MRC2: variants seen among roughly 807,000 people sequenced by gnomAD.
MRC2 encodes mannose receptor C-type 2.
MRC2 carries 84 observed loss-of-function variants against 206.2 expected under a neutral mutation model. That is an observed-to-expected ratio of 0.41 (90% CI 0.34 to 0.49). The LOEUF (loss-of-function observed/expected upper bound fraction) is 0.49. Ranked by LOEUF, MRC2 falls within the 20% of genes least tolerant of loss-of-function variation. MRC2 has a pLI of 0.31. For synonymous variants in MRC2, 798 were observed against 800.0 expected (o/e 1.00, Z 0.04); for missense variants, 1,676 against 2,001.5 (o/e 0.84, Z 3.10).
chr17:62,674,893 AG>A (rs1275737376), intron 9 of MRC2, among the ~76,000 whole-genome samples: 1 of 152,112 alleles, frequency 6.6e-6, no homozygotes, highest in African/African-American at 2.4e-5. Context: ...CCTTGCAGCC[AG>A]GCTGGCTCCT....
intron 1 of MRC2, among the ~76,000 whole-genome samples, chr17:62,629,655 T>C (rs1387885911): frequency 6.6e-6 from 1 of 152,214 alleles, no homozygotes; most frequent in Non-Finnish European, 1.5e-5. Flanking sequence ...CGCTTGCCCC[T>C]GCCCTGCCAA....
Position 62,627,749 on chromosome 17 carries a change from G to A in MRC2, c.-54G>A. On this transcript the variant is annotated 5_prime_UTR_variant, in exon 1 of 30. Transcript: ENST00000303375. The stretch of plus-strand genomic sequence containing the variant: ...AGCCCAGCCTCGGGGCTGCCACAGC[G>A]CGTTGCGCCTGTGCGCCCTCGGTCC... The A allele has an allele frequency of 7.7e-7, 1 of 1,299,992 alleles. No homozygotes were observed. Among genetic ancestry groups the A allele is most frequent in the Non-Finnish European group, 9.9e-7 (1 of 1,011,230 alleles). The allele number at this position is 1,299,992 out of a possible 1,614,324, so 80.5% of individuals were successfully genotyped here.
rs1478744539 is a variant in MRC2 at position 62,680,747 on chromosome 17, T to C, written c.2474-53T>C. The stretch of plus-strand genomic sequence containing the variant: ...CCCTGCCGCGCCCGCCTCCGGGGCC[T>C]GGCGTGCAGCCTCTGCCTGGCCGCC... On this transcript the variant is annotated intron_variant, in intron 16 of 29. Transcript: ENST00000303375. This position sits in a 1 kb window ranked among gnomAD's most constrained non-coding sequence, Gnocchi z 4.8. The C allele has an allele frequency of 2.1e-6, 3 of 1,454,876 alleles. No individual in the cohort carries two copies. The highest frequency in any genetic ancestry group is 2.7e-6 in the Non-Finnish European group (3 of 1,108,436). The allele number at this position is 1,454,876 out of a possible 1,614,324, so 90.1% of individuals were successfully genotyped here.
chr17:62,686,761 G>C (rs1416522421), intron 20 of MRC2, among the ~76,000 whole-genome samples: 1 of 152,152 alleles, frequency 6.6e-6, no homozygotes, highest in Non-Finnish European at 1.5e-5. Flanking sequence ...TGACCTTGCT[G>C]CTTCCAAGTT....
At chr17:62,673,553 G>C (rs576137881) in intron 8 of MRC2, among the ~76,000 whole-genome samples, 1 of 146,852 alleles carries the variant, frequency 6.8e-6, no homozygotes, top group East Asian at 2.0e-4. Flanking sequence ...CTGTCGCCCA[G>C]GCTGGAGTGC....
rs2088574936 is a variant in MRC2 at position 62,652,948 on chromosome 17, T to C, written c.119-11600T>C. 6.6e-6 allele frequency among the ~76,000 whole-genome samples: 1 copy of C among 151,582 alleles called. No individual in the cohort carries two copies. The highest frequency in any genetic ancestry group is 2.4e-5 in the African/African-American group (1 of 41,190). On this transcript the variant is annotated intron_variant, in intron 1 of 29. Coordinates refer to ENST00000303375, the MANE Select transcript of MRC2 (RefSeq NM_006039.5). This position sits in a 1 kb window ranked among gnomAD's most constrained non-coding sequence, Gnocchi z 4.6. ...CCTTGGGAGCAGAAGCAGAGAAGAC[T>C]CGGAACTCCAAGAGCAGGTGGATCT...
In MRC2 at chr17:62,652,071, A is replaced by G. The variant is rs116051915; in HGVS notation, c.119-12477A>G. Among the ~76,000 whole-genome samples, 107 of 152,350 alleles carry G rather than the reference A, an allele frequency of 7.0e-4. No homozygotes were observed. The highest frequency in any genetic ancestry group is 2.3e-3 in the African/African-American group (97 of 41,588). ...TTTCTTCATTTCTGCTGACTCTTCA[A>G]TGAACCAGAGGGGCACGTGTAATAT... On this transcript the variant is annotated intron_variant, in intron 1 of 29. Coordinates refer to ENST00000303375, the MANE Select transcript of MRC2 (RefSeq NM_006039.5). This position sits in a 1 kb window ranked among gnomAD's most constrained non-coding sequence, Gnocchi z 4.6.
intron 1 of MRC2, among the ~76,000 whole-genome samples, chr17:62,628,122 G>T (rs2084184648): frequency 1.3e-5 from 2 of 152,058 alleles, no homozygotes; most frequent in African/African-American, 4.8e-5. Context: ...GCCTAGAGGT[G>T]GGGGAGGACC....
In MRC2 at chr17:62,671,539, T is replaced by G; in HGVS notation, c.1118-110T>G. 3.1e-6 allele frequency: 3 copies of G among 970,174 alleles called. No homozygotes were observed. Among genetic ancestry groups the G allele is most frequent in the Non-Finnish European group, 4.5e-6 (3 of 666,760 alleles). The allele number at this position is 970,174 out of a possible 1,614,324, so 60.1% of individuals were successfully genotyped here. A position where few individuals can be genotyped will look rare whatever the true frequency, so the allele number is the denominator to read the frequency against. ...GGGACCGGGATTGATCTGGGAGAGT[T>G]TGGAGAGGAGGTGACTGGGAGGCCT... On this transcript the variant is annotated intron_variant, in intron 6 of 29. Transcript: ENST00000303375. The surrounding 1 kb of genome is among the most constrained non-coding windows in gnomAD (Gnocchi z 4.5).
At position 62,632,788 on chromosome 17, in the gene MRC2, T is replaced by TA. The variant is rs368212193; in HGVS notation, c.118+4869dup. ...AGATTGGATGGGTGGCCTCTCTGTT[T>TA]ATCTCCTTCCCAGGGATCACCTCAG... is the stretch of plus-strand genomic sequence containing the variant. On this transcript the variant is annotated intron_variant, in intron 1 of 29. Coordinates refer to ENST00000303375, the MANE Select transcript of MRC2 (RefSeq NM_006039.5). Among the ~76,000 whole-genome samples, 661 of 152,286 alleles carry TA rather than the reference T, an allele frequency of 4.3e-3. 6 individuals carry two copies. The highest frequency in any genetic ancestry group is 0.015 in the African/African-American group (640 of 41,550).
At position 62,682,287 on chromosome 17, in the gene MRC2, C is replaced by A; in HGVS notation, c.2856C>A (p.Arg952=). 1 of 1,604,822 alleles carries A rather than the reference C, an allele frequency of 6.2e-7. No individual in the cohort carries two copies. The highest frequency in any genetic ancestry group is 8.5e-7 in the Non-Finnish European group (1 of 1,175,578). The stretch of plus-strand genomic sequence containing the variant: ...CAGCCTTGCCCTACATCTGCAAGCG[C>A]AGCAACGTCACCAAAGAAACGCAGC... ...CLTALPYICK[R]SNVTKETQPP... The change falls in exon 20 of 30, where the codon CGC becomes CGA. Residue 952 remains arginine (R), a synonymous_variant. Coordinates refer to ENST00000303375, the MANE Select transcript of MRC2 (RefSeq NM_006039.5).
At chr17:62,678,745 T>TGGCAGAATGTGGGTGAC in intron 13 of MRC2, 99 bp downstream of exon 13, 1 of 1,528,302 alleles carries the variant, frequency 6.5e-7, no homozygotes, top group Non-Finnish European at 8.8e-7. Flanking sequence ...AGCAGGGGGA[T>TGGCAGAATGTGGGTGAC]GGCAGAATGT....
intron 1 of MRC2, among the ~76,000 whole-genome samples, chr17:62,636,593 C>T (rs539340257): frequency 9.9e-5 from 15 of 151,496 alleles, no homozygotes; most frequent in Non-Finnish European, 1.8e-4. Context: ...CTCAGCCTCC[C>T]GAGTAGCTGG....
Position 62,688,042 on chromosome 17 carries a change from G to T in MRC2, c.2947-247G>T, listed in dbSNP as rs181137288. Among the ~76,000 whole-genome samples, 42 of 152,246 alleles carry T rather than the reference G, an allele frequency of 2.8e-4. No individual in the cohort carries two copies. The East Asian group carries it at 7.5e-3, about 27-fold the overall frequency. ...AGGCACTGTTGTCATAGCCTTTGAC[G>T]GCCCAAAGAAATCCTCCCATTTGAA... On this transcript the variant is annotated intron_variant, in intron 20 of 29. Coordinates refer to ENST00000303375, the MANE Select transcript of MRC2 (RefSeq NM_006039.5).
intron 1 of MRC2, among the ~76,000 whole-genome samples, chr17:62,646,096 C>G (rs569929134): frequency 6.7e-6 from 1 of 148,492 alleles, no homozygotes; most frequent in East Asian, 2.0e-4. Context: ...GCGATCTCGG[C>G]TCACTGCAAG....
At chr17:62,629,055 C>T (rs1215437947) in intron 1 of MRC2, among the ~76,000 whole-genome samples, 1 of 152,204 alleles carries the variant, frequency 6.6e-6, no homozygotes, top group Non-Finnish European at 1.5e-5. Context: ...CCACGGTGAC[C>T]CACATTCACA....
chr17:62,628,916 T>G (rs773807920), intron 1 of MRC2, among the ~76,000 whole-genome samples: 3 of 152,186 alleles, frequency 2.0e-5, no homozygotes, highest in Admixed American at 6.5e-5. Flanking sequence ...GTGCAGTGTC[T>G]GCAGTTTTGT....
At position 62,690,628 on chromosome 17, in the gene MRC2, T is replaced by G; in HGVS notation, c.3893-14T>G. On this transcript the variant is annotated splice_polypyrimidine_tract_variant and intron_variant, in intron 26 of 29. Transcript: ENST00000303375. ...AGACCCATCCGCCCTGACGTGGGCC[T>G]TCTTTGCATCCAGCGGGTGGGGCCG... 1.3e-6 allele frequency: 2 copies of G among 1,590,704 alleles called. No homozygotes were observed. Among genetic ancestry groups the G allele is most frequent in the Non-Finnish European group, 8.6e-7 (1 of 1,168,976 alleles).
intron 1 of MRC2, among the ~76,000 whole-genome samples, chr17:62,662,611 A>G (rs1003065722): frequency 4.6e-5 from 7 of 152,096 alleles, no homozygotes; most frequent in Non-Finnish European, 8.8e-5. Flanking sequence ...TGGCAGACCT[A>G]GAATCGAAGC....
Sources: allele counts gnomAD v4.1 joint callset (sites outside exome capture counted in the v4.1 genomes callset), GRCh38; gene constraint gnomAD v4.1.1; non-coding constraint Gnocchi (gnomAD v3.1); transcripts MANE v1.5; gene names NCBI Gene and HGNC (gene_info 2026-07-23, HGNC 2026-07-21).